Variants in NSUN2 observed in about 807,000 individuals in gnomAD.
The protein encoded by NSUN2 is NOP2/Sun RNA methyltransferase 2, also known as RNA cytosine C(5)-methyltransferase NSUN2.
A neutral mutation model predicts 92.7 loss-of-function variants in NSUN2; 63 were observed. The observed-to-expected ratio is 0.68, with a 90% CI of 0.56 to 0.84. The LOEUF (loss-of-function observed/expected upper bound fraction) is 0.84. Ranked by LOEUF, NSUN2 falls within the 40% of genes least tolerant of loss-of-function variation. The pLI is 0.00. For missense variants in NSUN2, 989 were observed against 964.9 expected (o/e 1.02, Z -0.33); for synonymous variants, 356 against 348.3 (o/e 1.02, Z -0.25).
At chr5:6,605,093 A>G in intron 15 of NSUN2, 180 bp downstream of exon 15, 1 of 802,404 alleles carries the variant, frequency 1.2e-6, no homozygotes, top group Middle Eastern at 3.8e-4. Context: ...TCTGGCAGGA[A>G]CCATTCAGCC....
intron 9 of NSUN2, 63 bp from the exon 10 acceptor site, chr5:6,611,861 T>C: frequency 7.2e-7 from 1 of 1,388,986 alleles, no homozygotes; most frequent in Non-Finnish European, 1.0e-6. Context: ...CTATGCTCAG[T>C]GAAAAAAACC....
chr5:6,605,055 A>G (rs1316415647), intron 15 of NSUN2: 8 of 657,472 alleles, frequency 1.2e-5, no homozygotes, highest in Non-Finnish European at 2.1e-5. Context: ...TGGGGCACAG[A>G]AAAGACACAG....
Position 6,610,923 on chromosome 5 carries a change from C to G in NSUN2, c.1226+32G>C, listed in dbSNP as rs754567568. The G allele has an allele frequency of 1.2e-4, 188 of 1,612,694 alleles. 6 individuals carry two copies. In the Middle Eastern group the frequency reaches 8.3e-3, roughly 71 times the overall value. On this transcript the variant is annotated intron_variant, in intron 11 of 18. Coordinates refer to ENST00000264670, the MANE Select transcript of NSUN2 (RefSeq NM_017755.6). ...CCAGGGATGGGGCTTAACCTTCCCCCCTCCCCACACCTGGAGGCCCCACCA... is the reference window on the plus strand; with the variant it reads ...CCAGGGATGGGGCTTAACCTTCCCCGCTCCCCACACCTGGAGGCCCCACCA...
At chr5:6,610,658 T>C (rs1333950929) in intron 11 of NSUN2, among the ~76,000 whole-genome samples, 3 of 148,084 alleles carry the variant, frequency 2.0e-5, no homozygotes, top group Non-Finnish European at 1.5e-5. Context: ...CACTCCAGCC[T>C]GGATGACAGA....
rs376441708 is a variant in NSUN2, at chr5:6,607,207, C to A, written c.1501G>T (p.Val501Leu). The change falls in exon 13 of 19, where the codon GTG becomes TTG. Residue 501 changes from valine (V) to leucine (L), a missense_variant. Val to Leu is a conservative substitution (Grantham distance 32). This residue lies in a region of NSUN2 where 626 missense variants were observed against 602.3 expected (regional missense o/e 1.04). Coordinates refer to ENST00000264670, the MANE Select transcript of NSUN2 (RefSeq NM_017755.6). ...CATAACCACTTTTCTTACCCACACA[C>A]GCCATCTTTCTTACTGCCATTATTC... ...LENNGSKKDG[V>L]CGPPPSKKMK... 6.2e-7 allele frequency: 1 copy of A among 1,613,872 alleles called. No individual in the cohort carries two copies. The highest frequency in any genetic ancestry group is 1.3e-5 in the African/African-American group (1 of 74,930).
Position 6,604,588 on chromosome 5 carries a change from T to C in NSUN2, c.1818+17A>G. 6.2e-7 allele frequency: 1 copy of C among 1,611,698 alleles called. No homozygotes were observed. Among genetic ancestry groups the C allele is most frequent in the Non-Finnish European group, 8.5e-7 (1 of 1,177,850 alleles). The stretch of plus-strand genomic sequence containing the variant: ...TCATCTGTGGCTACTGCTGTTCAAA[T>C]CCACTTCCAAAATTACCTCCTGTGC... On this transcript the variant is annotated intron_variant, in intron 16 of 18. Transcript: ENST00000264670.
intron 14 of NSUN2, 28 bp from the exon 15 acceptor site, chr5:6,605,436 C>G (rs1350004748): frequency 6.2e-7 from 1 of 1,608,732 alleles, no homozygotes; most frequent in Non-Finnish European, 8.5e-7. Flanking sequence ...GTTGTTTATC[C>G]ACAATGAGTT....
At chr5:6,604,341 C>A in intron 16 of NSUN2, 65 bp from the exon 17 acceptor site, 1 of 1,388,906 alleles carries the variant, frequency 7.2e-7, no homozygotes, top group South Asian at 1.3e-5. Flanking sequence ...CAACAGCCTG[C>A]TCTCAGGGGC....
intron 10 of NSUN2, 62 bp from the exon 11 acceptor site, chr5:6,611,147 G>A (rs1010063416): frequency 6.4e-6 from 10 of 1,574,304 alleles, no homozygotes; most frequent in Non-Finnish European, 8.7e-6. Flanking sequence ...AAAAATCACA[G>A]GGCAGGAGTA....
rs2126504437 is a variant in NSUN2, at chr5:6,625,631, C to T, written c.398G>A (p.Arg133Gln). The T allele has an allele frequency of 3.1e-6, 5 of 1,614,134 alleles. No individual in the cohort carries two copies. Among genetic ancestry groups the T allele is most frequent in the Non-Finnish European group, 4.2e-6 (5 of 1,180,002 alleles). ...GTGTGGCGATTTTCTCAAGATTTTT[C>T]GACTTAAATTTGTGTGCCAGGCAAG... ...EELAWHTNLS[R>Q]KILRKSPHLE... The change falls in exon 4 of 19, where the codon CGA becomes CAA. Residue 133 changes from arginine to glutamine, a missense_variant. Arg to Gln is a conservative substitution (Grantham distance 43, BLOSUM62 1). This residue lies in a region of NSUN2 where 356 missense variants were observed against 338.6 expected (regional missense o/e 1.05). Transcript: ENST00000264670.
At chr5:6,625,749 G>A (rs929007744) in intron 3 of NSUN2, 80 bp from the exon 4 acceptor site, 35 of 947,048 alleles carry the variant, frequency 3.7e-5, no homozygotes, top group African/African-American at 6.5e-5. Flanking sequence ...TCTATCAGTC[G>A]CATGCCAAAT....
chr5:6,612,056 G>A (rs41282635), intron 9 of NSUN2, among the ~76,000 whole-genome samples: 545 of 152,276 alleles, frequency 3.6e-3, no homozygotes, highest in Non-Finnish European at 5.9e-3. Flanking sequence ...GCCTAAAGCT[G>A]GACTGTGGTA....
At chr5:6,605,193 C>T (rs1445201740) in intron 15 of NSUN2, 80 bp downstream of exon 15, 5 of 1,574,002 alleles carry the variant, frequency 3.2e-6, no homozygotes, top group Non-Finnish European at 3.5e-6. Flanking sequence ...TCACGGTCTG[C>T]TCCAAATGAA....
At chr5:6,628,538 A>C (rs1737746988) in intron 3 of NSUN2, among the ~76,000 whole-genome samples, 1 of 152,240 alleles carries the variant, frequency 6.6e-6, no homozygotes, top group African/African-American at 2.4e-5. Context: ...TAGAAAATGT[A>C]ATTTCAAAAA....
chr5:6,623,032 T>A (rs1579375662), intron 5 of NSUN2, among the ~76,000 whole-genome samples, 182 bp downstream of exon 5: 19 of 79,620 alleles, frequency 2.4e-4, no homozygotes, highest in Admixed American at 4.0e-4. Flanking sequence ...AAAAATTAAG[T>A]AGGACAAAAA....
Position 6,622,911 on chromosome 5 carries a change from A to G in NSUN2, c.537+303T>C, listed in dbSNP as rs202060472. Among the ~76,000 whole-genome samples, 7 of 151,878 alleles carry G rather than the reference A, an allele frequency of 4.6e-5. No individual in the cohort carries two copies. In the East Asian group the frequency reaches 1.2e-3, roughly 25 times the overall value. ...ATGCTTGCCATACAATGAGCTCTCA[A>G]TACATGTTCACTATCATTTTCAACC... On this transcript the variant is annotated intron_variant, in intron 5 of 18. Transcript: ENST00000264670.
chr5:6,605,068 C>A lies in NSUN2; in HGVS notation c.1737+205G>T. The A allele has an allele frequency of 5.8e-6, 4 of 690,220 alleles. 1 individual carries two copies. Among genetic ancestry groups the A allele is most frequent in the Non-Finnish European group, 9.7e-6 (4 of 411,736 alleles). 42.8% of individuals were successfully genotyped at this position (690,220 alleles called of 1,614,324 possible). ...AATGGGGCACAGAAAAGACACAGGCCACCAGATTCAGGACTCTGGCAGGAA... is the reference window on the plus strand; with the variant it reads ...AATGGGGCACAGAAAAGACACAGGCAACCAGATTCAGGACTCTGGCAGGAA... On this transcript the variant is annotated intron_variant, in intron 15 of 18. Transcript: ENST00000264670.
At chr5:6,607,096 C>A in intron 13 of NSUN2, 104 bp downstream of exon 13, 2 of 1,191,860 alleles carry the variant, frequency 1.7e-6, no homozygotes, top group South Asian at 1.4e-5. Flanking sequence ...CACACATGTA[C>A]TGCCCCCTCA....
chr5:6,613,118 G>C (rs1485362399), intron 9 of NSUN2, among the ~76,000 whole-genome samples: 1 of 152,242 alleles, frequency 6.6e-6, no homozygotes, highest in East Asian at 1.9e-4. Flanking sequence ...ACAGGTCCAT[G>C]CTGGAAACCC....
Sources: gnomAD v4.1 joint callset for allele counts (sites outside exome capture counted in the v4.1 genomes callset) on GRCh38, gnomAD v4.1.1 for gene constraint, gnomAD v4.1.1 regional missense constraint, MANE v1.5 for transcripts, NCBI Gene and HGNC (gene_info 2026-07-23, HGNC 2026-07-21) for gene names.